RIMBP2: variants seen among roughly 807,000 people sequenced by gnomAD.
RIMBP2 encodes RIMS-binding protein 2.
In RIMBP2, 48 loss-of-function variants were observed where a neutral mutation model predicts 118.6. That is an observed-to-expected ratio of 0.40 (90% CI 0.32 to 0.51). RIMBP2 has a LOEUF of 0.51. RIMBP2 is among the 20% of genes least tolerant of loss of function. The pLI is 0.41. For missense variants in RIMBP2, 1,551 were observed against 1,768.3 expected, an observed-to-expected ratio of 0.88 and a Z score of 2.20; for synonymous variants, 762 against 742.9, an observed-to-expected ratio of 1.03 and a Z score of -0.42.
intron 2 of RIMBP2, among the ~76,000 whole-genome samples, chr12:130,537,124 T>A (rs1395229395): frequency 6.6e-6 from 1 of 152,146 alleles, no homozygotes; most frequent in African/African-American, 2.4e-5. Flanking sequence ...GTGTCTTGGA[T>A]GGGGTTCCAG....
Position 130,598,138 on chromosome 12 carries a change from C to G in RIMBP2, c.-217+30184G>C, listed in dbSNP as rs557993423. 9.2e-5 allele frequency among the ~76,000 whole-genome samples: 14 copies of G among 152,184 alleles called. No homozygotes were observed. In the South Asian group the frequency reaches 1.9e-3, roughly 20 times the overall value. On this transcript the variant is annotated intron_variant, in intron 2 of 22. Transcript: ENST00000690449. ...TTTAAAAAAATACAGATTAAAATAG[C>G]CTTAAAAATACAAAATATCTACAGG...
rs1336768863 is a variant in RIMBP2 at position 130,442,545 on chromosome 12, G to A, written c.807C>T (p.Ile269=). 6.2e-7 allele frequency: 1 copy of A among 1,614,042 alleles called. No homozygotes were observed. The highest frequency in any genetic ancestry group is 1.3e-5 in the African/African-American group (1 of 74,914). The change falls in exon 11 of 23, where the codon ATC becomes ATT. Residue 269 remains isoleucine, a synonymous_variant. Transcript: ENST00000690449. This position sits in a 1 kb window ranked among gnomAD's most constrained non-coding sequence, Gnocchi z 6.9. Reference sequence around the variant, plus strand: ...CCTCCAGGCCGATGCCGGAATGGTTGATGAAGTTCTGATCCTGCTCGTTCC... The same window carrying A: ...CCTCCAGGCCGATGCCGGAATGGTTAATGAAGTTCTGATCCTGCTCGTTCC... The part of the protein sequence containing the change: ...TLGNEQDQNF[I]NHSGIGLEGE...
intron 20 of RIMBP2, among the ~76,000 whole-genome samples, chr12:130,407,442 C>T (rs1457978124): frequency 6.6e-6 from 1 of 152,180 alleles, no homozygotes; most frequent in Non-Finnish European, 1.5e-5. Flanking sequence ...GGTGGCATCA[C>T]CATTAGATGT....
intron 16 of RIMBP2, among the ~76,000 whole-genome samples, chr12:130,423,744 A>G (rs548542227): frequency 6.6e-6 from 1 of 151,680 alleles, no homozygotes. Flanking sequence ...AAAACTCCAA[A>G]ATAACAAGGA....
chr12:130,553,718 C>T (rs1176727391), intron 2 of RIMBP2, among the ~76,000 whole-genome samples: 1 of 152,056 alleles, frequency 6.6e-6, no homozygotes, highest in African/African-American at 2.4e-5. Flanking sequence ...CACTCCAGCC[C>T]GGACAACTGA....
intron 1 of RIMBP2, among the ~76,000 whole-genome samples, chr12:130,705,903 C>T (rs754710847): frequency 2.6e-5 from 4 of 152,216 alleles, no homozygotes; most frequent in Non-Finnish European, 4.4e-5. Context: ...AAAGTGTCTC[C>T]CTCCTACCGT....
intron 1 of RIMBP2, among the ~76,000 whole-genome samples, chr12:130,645,665 G>C (rs1168414669): frequency 6.6e-6 from 1 of 152,242 alleles, no homozygotes; most frequent in Non-Finnish European, 1.5e-5. Flanking sequence ...TTAGCCCAAA[G>C]AGCAGAGAGA....
intron 1 of RIMBP2, among the ~76,000 whole-genome samples, chr12:130,684,491 C>T (rs1428831545): frequency 1.3e-5 from 2 of 152,188 alleles, no homozygotes; most frequent in African/African-American, 2.4e-5. Context: ...GCGACTCCAT[C>T]TTGAGTGAGA....
At chr12:130,645,029 G>C (rs1437721043) in intron 1 of RIMBP2, among the ~76,000 whole-genome samples, 1 of 152,022 alleles carries the variant, frequency 6.6e-6, no homozygotes, top group African/African-American at 2.4e-5. Flanking sequence ...GTCACAGGTA[G>C]TTTGAAATCA....
At chr12:130,642,020 C>A (rs934904865) in intron 1 of RIMBP2, among the ~76,000 whole-genome samples, 1 of 152,136 alleles carries the variant, frequency 6.6e-6, no homozygotes, top group Non-Finnish European at 1.5e-5. Context: ...TAAGGTCACA[C>A]AGTTTGTAAA....
In RIMBP2 at chr12:130,428,389, C is replaced by T. The variant is rs750009592; in HGVS notation, c.2254-52G>A. ...AGCGGGTGGCTCCTCCCGCATCCTA[C>T]AAGAGGCCAGATTGAGCTTGCCAAC... On this transcript the variant is annotated intron_variant, in intron 14 of 22. Transcript: ENST00000690449. 8 of 1,553,152 alleles carry T rather than the reference C, an allele frequency of 5.2e-6. No individual in the cohort carries two copies. In the Admixed American group the frequency reaches 1.5e-4, roughly 29 times the overall value.
rs879548101 is a variant in RIMBP2 at position 130,576,195 on chromosome 12, C to T, written c.-217+52127G>A. On this transcript the variant is annotated intron_variant, in intron 2 of 22. Transcript: ENST00000690449. This position sits in a 1 kb window ranked among gnomAD's most constrained non-coding sequence, Gnocchi z 4.2. The stretch of plus-strand genomic sequence containing the variant: ...CACGGTAGGAACCTTGCTTTGTATC[C>T]TGAGCATGAGAAGACGTCTTTTTTA... 6.6e-6 allele frequency among the ~76,000 whole-genome samples: 1 copy of T among 152,284 alleles called. No homozygotes were observed. Among genetic ancestry groups the T allele is most frequent in the Admixed American group, 6.5e-5 (1 of 15,304 alleles).
At chr12:130,656,608 A>AG (rs1246803696) in intron 1 of RIMBP2, among the ~76,000 whole-genome samples, 2 of 152,124 alleles carry the variant, frequency 1.3e-5, no homozygotes, top group African/African-American at 4.8e-5. Context: ...TGGCAGCCTC[A>AG]GGCACTCCTC....
At chr12:130,601,356 A>G (rs867900425) in intron 2 of RIMBP2, among the ~76,000 whole-genome samples, 2,818 of 151,210 alleles carry the variant, frequency 0.019, 136 homozygotes, top group African/African-American at 0.066. Context: ...AAAAAAAAAA[A>G]AAAAGCAAAC....
intron 14 of RIMBP2, chr12:130,432,193 C>T (rs915889623): frequency 8.8e-6 from 4 of 456,196 alleles, no homozygotes; most frequent in Non-Finnish European, 1.8e-5. Flanking sequence ...GTGAGGAGAA[C>T]GTGGCACATG....
chr12:130,422,358 A>T lies in RIMBP2; in HGVS notation c.3238+95T>A, dbSNP rs1224281787. ...TAACAGTGTTCTTTGCTTAGCGGAA[A>T]ATGCTACTCCTAAAGTTTTGTTCAT... is the stretch of plus-strand genomic sequence containing the variant. On this transcript the variant is annotated intron_variant, in intron 17 of 22. Coordinates refer to ENST00000690449, the MANE Select transcript of RIMBP2 (RefSeq NM_001393629.1). The surrounding 1 kb of genome is among the most constrained non-coding windows in gnomAD (Gnocchi z 5.2). The T allele has an allele frequency of 9.4e-6, 7 of 745,682 alleles. No individual in the cohort carries two copies. The highest frequency in any genetic ancestry group is 1.1e-5 in the Non-Finnish European group (5 of 454,058). 46.2% of individuals were successfully genotyped at this position (745,682 alleles called of 1,614,324 possible).
At position 130,617,189 on chromosome 12, in the gene RIMBP2, C is replaced by A. The variant is rs1031120930; in HGVS notation, c.-217+11133G>T. Reference sequence around the variant, plus strand: ...ACGATCCCCCACCCCCGACCCCCGCCCCGAGTTAGTGCTGCCACCTCCATC... The same window carrying A: ...ACGATCCCCCACCCCCGACCCCCGCACCGAGTTAGTGCTGCCACCTCCATC... On this transcript the variant is annotated intron_variant, in intron 2 of 22. Transcript: ENST00000690449. This position sits in a 1 kb window ranked among gnomAD's most constrained non-coding sequence, Gnocchi z 4.6. 6.6e-6 allele frequency among the ~76,000 whole-genome samples: 1 copy of A among 152,064 alleles called. No individual in the cohort carries two copies. Among genetic ancestry groups the A allele is most frequent in the African/African-American group, 2.4e-5 (1 of 41,390 alleles).
intron 21 of RIMBP2, among the ~76,000 whole-genome samples, chr12:130,404,728 T>C (rs1593176875): frequency 6.6e-6 from 1 of 152,194 alleles, no homozygotes; most frequent in African/African-American, 2.4e-5. Context: ...ATATTATGTC[T>C]ATTTCTTCCA....
At chr12:130,691,309 C>T (rs1240471120) in intron 1 of RIMBP2, among the ~76,000 whole-genome samples, 1 of 152,192 alleles carries the variant, frequency 6.6e-6, no homozygotes, top group East Asian at 1.9e-4. Context: ...TGTGTGCTCA[C>T]AAAGAGGCCA....
Sources: allele counts gnomAD v4.1 joint callset (sites outside exome capture counted in the v4.1 genomes callset), GRCh38; gene constraint gnomAD v4.1.1; non-coding constraint Gnocchi (gnomAD v3.1); transcripts MANE v1.5; gene names NCBI Gene and HGNC (gene_info 2026-07-23, HGNC 2026-07-21).